IQCB1: variants seen among roughly 807,000 people sequenced by gnomAD.
The protein encoded by IQCB1 is IQ motif containing B1.
In IQCB1, 56 loss-of-function variants were observed where a neutral mutation model predicts 84.4. The ratio of observed to expected loss-of-function variants is 0.66; its 90% CI spans 0.54 to 0.83. IQCB1 has a LOEUF of 0.83. Ranked by LOEUF, IQCB1 falls within the 40% of genes least tolerant of loss-of-function variation. The pLI, the probability that IQCB1 is intolerant of heterozygous loss-of-function variation, is 0.00. For synonymous variants in IQCB1, 210 were observed against 234.8 expected, an observed-to-expected ratio of 0.89 and a Z score of 0.96; for missense variants, 629 against 682.1, an observed-to-expected ratio of 0.92 and a Z score of 0.87.
chr3:121,772,137 T>C (rs1429463965), intron 14 of IQCB1, among the ~76,000 whole-genome samples: 1 of 152,038 alleles, frequency 6.6e-6, no homozygotes, highest in Admixed American at 6.5e-5. Context: ...ATCACACCAC[T>C]GCACTCCAGC....
At chr3:121,782,769 C>T (rs1043359990) in intron 12 of IQCB1, among the ~76,000 whole-genome samples, 23 of 152,186 alleles carry the variant, frequency 1.5e-4, no homozygotes, top group African/African-American at 5.3e-4. Context: ...ACCTCCACCC[C>T]GCCAGGTTCA....
rs66929099 is a variant in IQCB1 at position 121,832,327 on chromosome 3, A to ATT, written c.-13+2062_-13+2063dup. ...ATGGGGTCTTTACCATAATTTTACA[A>ATT]TTTTTTTTTTTTTTTTTGAGAGAGA... On this transcript the variant is annotated intron_variant, in intron 2 of 14. Coordinates refer to ENST00000310864, the MANE Select transcript of IQCB1 (RefSeq NM_001023570.4). 1.5e-4 allele frequency among the ~76,000 whole-genome samples: 21 copies of ATT among 135,634 alleles called. 1 individual carries two copies. The highest frequency in any genetic ancestry group is 3.6e-4 in the African/African-American group (13 of 36,186). The allele number at this position is 135,634 out of a possible 152,430, so 89.0% of individuals were successfully genotyped here.
intron 5 of IQCB1, among the ~76,000 whole-genome samples, chr3:121,810,008 A>G (rs188723653): frequency 1.3e-5 from 2 of 151,178 alleles, no homozygotes; most frequent in Non-Finnish European, 2.9e-5. Context: ...CTTTTAGTTC[A>G]GGAAGCTACC....
chr3:121,792,677 A>G (rs948929518), intron 10 of IQCB1, among the ~76,000 whole-genome samples: 2 of 151,682 alleles, frequency 1.3e-5, no homozygotes. Flanking sequence ...AAAAAAAAAA[A>G]AAAAAAGTGA....
At chr3:121,798,821 A>C (rs1254518601) in intron 8 of IQCB1, among the ~76,000 whole-genome samples, 1 of 151,890 alleles carries the variant, frequency 6.6e-6, no homozygotes, top group Non-Finnish European at 1.5e-5. Context: ...TCAAAATACC[A>C]TAAGGGCCAC....
chr3:121,786,170 C>CAAAG (rs1948711974), intron 12 of IQCB1, among the ~76,000 whole-genome samples: 3 of 72,880 alleles, frequency 4.1e-5, no homozygotes, highest in African/African-American at 1.3e-4. Flanking sequence ...GATTCTGTCT[C>CAAAG]AAAAGAAAAG....
chr3:121,773,221 G>A (rs1559747128), intron 13 of IQCB1, among the ~76,000 whole-genome samples: 1 of 150,660 alleles, frequency 6.6e-6, no homozygotes, highest in Non-Finnish European at 1.5e-5. Context: ...GGCTGAGGCG[G>A]GAGAATTACT....
At chr3:121,830,446 T>C (rs911440619) in intron 2 of IQCB1, among the ~76,000 whole-genome samples, 8 of 152,030 alleles carry the variant, frequency 5.3e-5, no homozygotes, top group African/African-American at 9.7e-5. Flanking sequence ...GATATCCTTA[T>C]ATAATAAAAG....
At position 121,797,177 on chromosome 3, in the gene IQCB1, C is replaced by T. The variant is rs794727964; in HGVS notation, c.817G>A (p.Glu273Lys). ...AAAAGGCCAACAAGCTGTCTAAGTT[C>T]TTGACTGAATTCAGTCCCAGTTTCC... ...KQETGTEFSQELRQLVGLLSP... is the reference protein window; with the variant it reads ...KQETGTEFSQKLRQLVGLLSP... Residue 273 changes from glutamate (E) to lysine (K), a missense_variant, in exon 9 of 15, where the codon GAA becomes AAA. By Grantham distance (56) the Glu-to-Lys change is moderately conservative. Transcript: ENST00000310864. The T allele has an allele frequency of 6.2e-7, 1 of 1,610,670 alleles. No homozygotes were observed. Among genetic ancestry groups the T allele is most frequent in the African/African-American group, 1.3e-5 (1 of 74,664 alleles).
At chr3:121,785,484 A>G (rs983842121) in intron 12 of IQCB1, among the ~76,000 whole-genome samples, 3 of 152,144 alleles carry the variant, frequency 2.0e-5, no homozygotes, top group African/African-American at 7.2e-5. Context: ...ATTACTTTCA[A>G]TGAGGCTAAT....
At chr3:121,799,511 A>ATG in intron 7 of IQCB1, 137 bp from the exon 8 acceptor site, 1 of 621,016 alleles carries the variant, frequency 1.6e-6, no homozygotes, top group Admixed American at 2.9e-5. Context: ...TTTCAAATAT[A>ATG]TGTTGGTTCC....
intron 9 of IQCB1, among the ~76,000 whole-genome samples, chr3:121,795,999 T>C (rs367792714): frequency 7.9e-5 from 12 of 152,058 alleles, no homozygotes; most frequent in Admixed American, 4.6e-4. Flanking sequence ...TGATAGACCA[T>C]TGGGCTTAAA....
At chr3:121,786,923 G>T (rs1559761662) in intron 12 of IQCB1, among the ~76,000 whole-genome samples, 1 of 152,172 alleles carries the variant, frequency 6.6e-6, no homozygotes, top group African/African-American at 2.4e-5. Context: ...CTTTAAAAAG[G>T]AGGTATTTAT....
In IQCB1 at chr3:121,788,360, T is replaced by C; in HGVS notation, c.1202A>G (p.Tyr401Cys). The change falls in exon 12 of 15, where the codon TAC (tyrosine) becomes TGC (cysteine). Residue 401 changes from tyrosine (Y) to cysteine (C), a missense_variant. Transcript: ENST00000310864. ...ALIIQKHWRG[Y>C]RERKNFHQQR... The stretch of plus-strand genomic sequence containing the variant: ...TTGGTGAAAATTTTTCCTTTCCCTG[T>C]ACCCTCTCCAATGTTTCTGGATAAT... The C allele has an allele frequency of 2.5e-6, 4 of 1,613,538 alleles. No individual in the cohort carries two copies. The highest frequency in any genetic ancestry group is 8.5e-7 in the Non-Finnish European group (1 of 1,179,524).
At position 121,772,689 on chromosome 3, in the gene IQCB1, T is replaced by C; in HGVS notation, c.1435A>G (p.Ser479Gly). 6.2e-7 allele frequency: 1 copy of C among 1,614,140 alleles called. No homozygotes were observed. Among genetic ancestry groups the C allele is most frequent in the Non-Finnish European group, 8.5e-7 (1 of 1,180,006 alleles). ...TGAGCTTGGGCATGGAGCTCCCTAC[T>C]GACCACATCTGACATTGGAGAGCCC... The part of the protein sequence containing the change: ...HLGSPMSDVV[S>G]RELHAQAQER... Residue 479 changes from serine to glycine, a missense_variant, in exon 14 of 15, where the codon AGT becomes GGT. Ser to Gly is a moderately conservative substitution (Grantham distance 56). Transcript: ENST00000310864.
intron 11 of IQCB1, 81 bp downstream of exon 11, chr3:121,789,992 T>C: frequency 8.1e-7 from 1 of 1,230,210 alleles, no homozygotes; most frequent in Non-Finnish European, 1.2e-6. Flanking sequence ...TAAAAAAAAA[T>C]CATCACGTAG....
At chr3:121,795,216 C>T (rs1949131815) in intron 10 of IQCB1, among the ~76,000 whole-genome samples, 1 of 151,994 alleles carries the variant, frequency 6.6e-6, no homozygotes, top group Admixed American at 6.6e-5. Context: ...CTTGGCCCCT[C>T]CCCAAATATC....
chr3:121,820,361 T>C (rs926411473), intron 5 of IQCB1, among the ~76,000 whole-genome samples: 2 of 152,204 alleles, frequency 1.3e-5, no homozygotes, highest in African/African-American at 2.4e-5. Context: ...ATCTAGCATA[T>C]TGAGCCATAA....
chr3:121,781,822 CA>C lies in IQCB1; in HGVS notation c.1330del (p.Trp444GlyfsTer15). ...ATCAGTGAGTTCTTGGAGTCCTCGC[CA>C]AGGAGCAAATAGTTTCTTTTTCTTA... ...CRKKKKLFAP[W>X]RGLQELTDAR... On this transcript the variant is annotated frameshift_variant, in exon 13 of 15. Transcript: ENST00000310864. LOFTEE classifies it high-confidence loss of function. The C allele has an allele frequency of 6.2e-7, 1 of 1,613,826 alleles. No individual in the cohort carries two copies. Among genetic ancestry groups the C allele is most frequent in the Non-Finnish European group, 8.5e-7 (1 of 1,179,850 alleles).
Sources: allele counts gnomAD v4.1 joint callset (sites outside exome capture counted in the v4.1 genomes callset), GRCh38; gene constraint gnomAD v4.1.1; transcripts MANE v1.5; gene names NCBI Gene and HGNC (gene_info 2026-07-23, HGNC 2026-07-21).